The following STPG2 variants were observed in gnomAD, a reference collection of about 807,000 sequenced individuals.
The protein encoded by STPG2 is sperm-tail PG-rich repeat-containing protein 2.
A neutral mutation model predicts 54.2 loss-of-function variants in STPG2; 56 were observed. That is an observed-to-expected ratio of 1.03 (90% CI 0.83 to 1.29). The LOEUF (loss-of-function observed/expected upper bound fraction) is 1.29, where lower values mean the gene tolerates loss of function less well. STPG2 is among the 50% of genes most tolerant of loss of function. STPG2 has a pLI of 0.00. For missense variants in STPG2, 596 were observed against 544.9 expected (o/e 1.09, Z -0.93); for synonymous variants, 200 against 181.8 (o/e 1.10, Z -0.81).
intron 7 of STPG2, among the ~76,000 whole-genome samples, chr4:97,955,254 G>T (rs7692176): frequency 7.0e-6 from 1 of 143,034 alleles, no homozygotes; most frequent in Non-Finnish European, 1.5e-5. Context: ...TCACTCTGTC[G>T]CCCAGGCTGG....
At chr4:97,444,844 A>T (rs567868495) in intron 4 of STPG2, among the ~76,000 whole-genome samples, 1 of 152,162 alleles carries the variant, frequency 6.6e-6, no homozygotes. Flanking sequence ...CCTGGCTAAC[A>T]TCGTGAAACC....
rs187818234 is a variant in STPG2, at chr4:98,021,917, A to T, written c.613-40599T>A. Among the ~76,000 whole-genome samples, 894 of 151,994 alleles carry T rather than the reference A, an allele frequency of 5.9e-3. 6 individuals are homozygous for T. The highest frequency in any genetic ancestry group is 0.02 in the Middle Eastern group (6 of 294). On this transcript the variant is annotated intron_variant, in intron 5 of 10. Coordinates refer to ENST00000295268, the MANE Select transcript of STPG2 (RefSeq NM_174952.3). ...ATTCTGAGCCTATGTGTGTCTCTGCACCTGAGATGGGTTTCCTGAATACAA... is the reference window on the plus strand; with the variant it reads ...ATTCTGAGCCTATGTGTGTCTCTGCTCCTGAGATGGGTTTCCTGAATACAA...
At chr4:97,922,103 G>A (rs1391900184) in intron 8 of STPG2, among the ~76,000 whole-genome samples, 1 of 152,112 alleles carries the variant, frequency 6.6e-6, no homozygotes, top group Non-Finnish European at 1.5e-5. Context: ...TAAGCTGCAT[G>A]ATGACTGAAG....
At chr4:97,844,148 C>T (rs908948783) in intron 8 of STPG2, among the ~76,000 whole-genome samples, 3 of 151,856 alleles carry the variant, frequency 2.0e-5, no homozygotes, top group South Asian at 4.2e-4. Context: ...AGGCTCACTG[C>T]TATTTTGACA....
intron 4 of STPG2, among the ~76,000 whole-genome samples, chr4:97,457,777 A>C (rs2148804671): frequency 6.6e-6 from 1 of 152,356 alleles, no homozygotes; most frequent in East Asian, 1.9e-4. Context: ...GGGTTTGGAA[A>C]AGACTAAAAA....
At chr4:97,959,432 T>C (rs993954890) in intron 7 of STPG2, among the ~76,000 whole-genome samples, 2 of 151,674 alleles carry the variant, frequency 1.3e-5, no homozygotes, top group African/African-American at 4.8e-5. Context: ...AGAAAAAAGA[T>C]AAATAAAATT....
chr4:97,885,065 T>TA (rs1023673609), intron 8 of STPG2, among the ~76,000 whole-genome samples: 5 of 152,096 alleles, frequency 3.3e-5, no homozygotes, highest in African/African-American at 7.2e-5. Flanking sequence ...TGGGTTTGAT[T>TA]AAAAAAATAG....
chr4:97,742,262 C>G (rs2149038014), intron 9 of STPG2, among the ~76,000 whole-genome samples: 1 of 151,378 alleles, frequency 6.6e-6, no homozygotes, highest in South Asian at 2.1e-4. Flanking sequence ...ATACCTAATG[C>G]TAAATGACGA....
chr4:97,716,783 C>T (rs140132369), intron 9 of STPG2, among the ~76,000 whole-genome samples: 2,295 of 151,626 alleles, frequency 0.015, 55 homozygotes, highest in African/African-American at 0.051. Flanking sequence ...GTGCAGCAAA[C>T]CACCATGGCA....
At chr4:97,742,411 C>A (rs533656624) in intron 9 of STPG2, among the ~76,000 whole-genome samples, 1 of 150,260 alleles carries the variant, frequency 6.7e-6, no homozygotes, top group Admixed American at 6.7e-5. Context: ...AAAATAAAAT[C>A]AGTACTTCTT....
At chr4:97,524,679 C>CT (rs1560643557) in intron 4 of STPG2, among the ~76,000 whole-genome samples, 1 of 151,912 alleles carries the variant, frequency 6.6e-6, no homozygotes, top group African/African-American at 2.4e-5. Flanking sequence ...CAGCAATCCT[C>CT]TTTTTTGGAG....
At position 98,128,459 on chromosome 4, in the gene STPG2, G is replaced by T. The variant is rs1475215280; in HGVS notation, c.356C>A (p.Thr119Lys). ...AGGTTTGTAGTATGCTGGACCAAGT[G>T]TACTGTCACAAGCAGGTGGAAAACA... ...IKCFPPACDS[T>K]LGPAYYKPQF... is the part of the protein sequence containing the mutation. The change falls in exon 3 of 11, where the codon ACA (threonine) becomes AAA (lysine). Residue 119 changes from threonine to lysine, a missense_variant. Thr to Lys is a moderately conservative substitution (Grantham distance 78, BLOSUM62 -1). Transcript: ENST00000295268. The T allele has an allele frequency of 9.9e-6, 16 of 1,612,220 alleles. No individual in the cohort carries two copies. The highest frequency in any genetic ancestry group is 1.4e-5 in the Non-Finnish European group (16 of 1,179,394).
At chr4:97,797,191 C>T (rs1727219317) in intron 9 of STPG2, among the ~76,000 whole-genome samples, 1 of 152,162 alleles carries the variant, frequency 6.6e-6, no homozygotes, top group Non-Finnish European at 1.5e-5. Flanking sequence ...ATTTCTCCTG[C>T]CTGATTGCCC....
At chr4:97,765,975 G>A (rs1726035783) in intron 9 of STPG2, among the ~76,000 whole-genome samples, 1 of 152,042 alleles carries the variant, frequency 6.6e-6, no homozygotes, top group South Asian at 2.1e-4. Context: ...CAATATTAGA[G>A]GGAACTTTCT....
At chr4:98,090,038 A>G (rs913356289) in intron 5 of STPG2, among the ~76,000 whole-genome samples, 10 of 152,056 alleles carry the variant, frequency 6.6e-5, no homozygotes, top group Non-Finnish European at 1.0e-4. Flanking sequence ...TGCTGTGCTG[A>G]AACTTTTTAG....
chr4:97,441,332 T>C (rs1729074087), intron 4 of STPG2: 1 of 151,996 alleles, frequency 6.6e-6, no homozygotes, highest in African/African-American at 2.4e-5. Context: ...AATGAATATA[T>C]ATACATACTG....
intron 9 of STPG2, among the ~76,000 whole-genome samples, chr4:97,828,738 G>A (rs1451559759): frequency 6.6e-6 from 1 of 152,176 alleles, no homozygotes; most frequent in Non-Finnish European, 1.5e-5. Context: ...TGAGGCTTAA[G>A]TAGGCAGTTT....
chr4:97,906,045 A>T (rs912193825), intron 8 of STPG2, among the ~76,000 whole-genome samples: 4 of 152,178 alleles, frequency 2.6e-5, no homozygotes, highest in African/African-American at 9.6e-5. Context: ...ATAGAGACAC[A>T]AAAACCCTTC....
At chr4:97,830,733 T>G (rs643250) in intron 9 of STPG2, among the ~76,000 whole-genome samples, 1 of 151,792 alleles carries the variant, frequency 6.6e-6, no homozygotes, top group African/African-American at 2.4e-5. Context: ...TCCTAGTCTC[T>G]GATAAAACAG....
Sources: allele counts gnomAD v4.1 joint callset (sites outside exome capture counted in the v4.1 genomes callset), GRCh38; gene constraint gnomAD v4.1.1; transcripts MANE v1.5; gene names NCBI Gene and HGNC (gene_info 2026-07-23, HGNC 2026-07-21).